ABLIM3: variants seen among roughly 807,000 people sequenced by gnomAD.
ABLIM3 encodes the protein actin-binding LIM protein 3.
In ABLIM3, 61 loss-of-function variants were observed where a neutral mutation model predicts 109.5. The observed-to-expected ratio is 0.56, with a 90% CI of 0.45 to 0.69. The LOEUF (loss-of-function observed/expected upper bound fraction) is 0.69. Ranked by LOEUF, ABLIM3 falls within the 30% of genes least tolerant of loss-of-function variation. The pLI is 0.00. For synonymous variants in ABLIM3, 300 were observed against 324.8 expected (o/e 0.92, Z 0.82); for missense variants, 796 against 889.5 (o/e 0.89, Z 1.34).
intron 8 of ABLIM3, chr5:149,217,369 G>A (rs1402320854): frequency 5.2e-6 from 2 of 383,166 alleles, no homozygotes; most frequent in Non-Finnish European, 4.9e-6. Context: ...ACAGGCCCAA[G>A]GGGTCAGAGA....
rs767615595 is a variant in ABLIM3 at position 149,142,071 on chromosome 5, A to G, written c.-25A>G. 6.2e-7 allele frequency: 1 copy of G among 1,614,082 alleles called. No individual in the cohort carries two copies. On this transcript the variant is annotated 5_prime_UTR_variant, in exon 2 of 24. An upstream open reading frame in the 5' UTR loses its in-frame stop. Coordinates refer to ENST00000309868, the MANE Select transcript of ABLIM3 (RefSeq NM_014945.5). ...GCAGCCGGGGCCTCCGTATTGAATGAAAGACCCAGTGCAAAGACATCACCA... is the reference window on the plus strand; with the variant it reads ...GCAGCCGGGGCCTCCGTATTGAATGGAAGACCCAGTGCAAAGACATCACCA...
chr5:149,249,684 G>T lies in ABLIM3; in HGVS notation c.1700-131G>T, dbSNP rs1753742077. ...AAAACTGACCAGTTCAGGAGGGGCT[G>T]CAGGAGGCCCCTTTTCCCAGCCAGC... On this transcript the variant is annotated intron_variant, in intron 18 of 23. Transcript: ENST00000309868. 7.3e-6 allele frequency: 7 copies of T among 961,596 alleles called. No individual in the cohort carries two copies. The South Asian group carries it at 8.8e-5, about 12-fold the overall frequency. The allele number at this position is 961,596 out of a possible 1,614,324, so 59.6% of individuals were successfully genotyped here.
intron 10 of ABLIM3, among the ~76,000 whole-genome samples, chr5:149,235,240 G>GA (rs1432223094): frequency 5.9e-5 from 9 of 152,016 alleles, no homozygotes; most frequent in Non-Finnish European, 8.8e-5. Context: ...TTCAAATTTG[G>GA]AAAAAAATTC....
At chr5:149,216,739 G>C (rs1760126815) in intron 7 of ABLIM3, 1 of 539,078 alleles carries the variant, frequency 1.9e-6, no homozygotes, top group East Asian at 2.9e-5. Context: ...GGTATTCAGG[G>C]AAGTCCCCTG....
In ABLIM3 at chr5:149,198,388, G is replaced by A; in HGVS notation, c.321G>A (p.Val107=). The A allele has an allele frequency of 6.2e-7, 1 of 1,610,252 alleles. No homozygotes were observed. Among genetic ancestry groups the A allele is most frequent in the Non-Finnish European group, 8.5e-7 (1 of 1,178,020 alleles). Residue 107 remains valine (V), a synonymous_variant, in exon 4 of 24, where the codon GTG becomes GTA. Coordinates refer to ENST00000309868, the MANE Select transcript of ABLIM3 (RefSeq NM_014945.5). This position sits in a 1 kb window ranked among gnomAD's most constrained non-coding sequence, Gnocchi z 4.2. ...GCACTTACCACCCCAAGTGCTTCGT[G>A]TGCAGCTTGTGCAGGTGAGTGGGCG... ...LGRTYHPKCF[V]CSLCRKPFPI...
chr5:149,205,684 G>A (rs184486245), intron 5 of ABLIM3, among the ~76,000 whole-genome samples: 2 of 152,284 alleles, frequency 1.3e-5, no homozygotes, highest in East Asian at 3.9e-4. Context: ...GATAAATCCC[G>A]AAACTCTTTA....
chr5:149,171,748 G>A (rs568944646), intron 2 of ABLIM3, among the ~76,000 whole-genome samples: 129 of 152,336 alleles, frequency 8.5e-4, no homozygotes, highest in Non-Finnish European at 1.0e-3. Context: ...GACTGCTTTA[G>A]TGACCACTGA....
chr5:149,147,328 T>C (rs767623137), intron 2 of ABLIM3, among the ~76,000 whole-genome samples: 4 of 152,150 alleles, frequency 2.6e-5, no homozygotes, highest in Non-Finnish European at 4.4e-5. Context: ...ATAATCATAT[T>C]TTTTTGTTTT....
chr5:149,220,349 C>T (rs1760518164), intron 8 of ABLIM3: 1 of 152,164 alleles, frequency 6.6e-6, no homozygotes, highest in Non-Finnish European at 1.5e-5. Context: ...ATTAAACCTA[C>T]AGTGGAAATG....
intron 8 of ABLIM3, among the ~76,000 whole-genome samples, chr5:149,226,563 C>T (rs949979226): frequency 4.6e-5 from 7 of 152,132 alleles, no homozygotes; most frequent in Non-Finnish European, 1.0e-4. Flanking sequence ...ACTCCAATGC[C>T]CACGTCAAGG....
chr5:149,148,741 A>G lies in ABLIM3; in HGVS notation c.13+6633A>G, dbSNP rs557532022. On this transcript the variant is annotated intron_variant, in intron 2 of 23. Transcript: ENST00000309868. The stretch of plus-strand genomic sequence containing the variant: ...CTTGCTGACCAGCCCCATCTTGTCT[A>G]CAGTGCACAGTTCTCAGTGTCCTTG... Among the ~76,000 whole-genome samples the G allele has an allele frequency of 3.9e-5, 6 of 152,314 alleles. No homozygotes were observed. The South Asian group carries it at 1.2e-3, about 32-fold the overall frequency.
At chr5:149,251,088 C>A (rs915352005) in intron 20 of ABLIM3, among the ~76,000 whole-genome samples, 4 of 152,092 alleles carry the variant, frequency 2.6e-5, no homozygotes, top group Non-Finnish European at 5.9e-5. Flanking sequence ...GTTGTCAGGG[C>A]AAATCTCCTA....
intron 12 of ABLIM3, among the ~76,000 whole-genome samples, 166 bp from the exon 13 acceptor site, chr5:149,239,593 T>A (rs1217525786): frequency 6.6e-6 from 1 of 151,724 alleles, no homozygotes; most frequent in Non-Finnish European, 1.5e-5. Context: ...TTCTCTGCCA[T>A]CTTCCTCGGG....
chr5:149,224,993 A>C (rs1435899267), intron 8 of ABLIM3, among the ~76,000 whole-genome samples: 1 of 152,164 alleles, frequency 6.6e-6, no homozygotes, highest in Non-Finnish European at 1.5e-5. Context: ...GATTATAATG[A>C]TCACACTGTT....
chr5:149,164,525 G>A (rs1366606813), intron 2 of ABLIM3, among the ~76,000 whole-genome samples: 1 of 152,188 alleles, frequency 6.6e-6, no homozygotes, highest in Non-Finnish European at 1.5e-5. Flanking sequence ...CTAGGAACTT[G>A]CTGGAAATGC....
chr5:149,193,987 A>G (rs750551335), intron 3 of ABLIM3, among the ~76,000 whole-genome samples: 1 of 152,218 alleles, frequency 6.6e-6, no homozygotes, highest in Non-Finnish European at 1.5e-5. Context: ...AGAAGACAAT[A>G]TAGGAGATAC....
chr5:149,176,517 T>G lies in ABLIM3; in HGVS notation c.14-6935T>G, dbSNP rs1755942749. Among the ~76,000 whole-genome samples the G allele has an allele frequency of 1.3e-5, 2 of 152,050 alleles. 1 individual carries two copies. Among genetic ancestry groups the G allele is most frequent in the South Asian group, 4.1e-4 (2 of 4,824 alleles). The stretch of plus-strand genomic sequence containing the variant: ...GGGTTTGAAAGTCAGACTGCTTGGG[T>G]TCAGATTCTGCCTCTGCCGTTTACT... On this transcript the variant is annotated intron_variant, in intron 2 of 23. Transcript: ENST00000309868.
chr5:149,146,290 T>C (rs923274492), intron 2 of ABLIM3, among the ~76,000 whole-genome samples: 5 of 152,238 alleles, frequency 3.3e-5, no homozygotes, highest in African/African-American at 1.2e-4. Context: ...TGATAGTATC[T>C]TTTGCAGTGC....
intron 4 of ABLIM3, 44 bp from the exon 5 acceptor site, chr5:149,200,272 C>T (rs1378315460): frequency 6.4e-7 from 1 of 1,565,490 alleles, no homozygotes; most frequent in African/African-American, 1.4e-5. Context: ...TACAGAATCC[C>T]TCAGAAGAGG....
Sources: gnomAD v4.1 joint callset for allele counts (sites outside exome capture counted in the v4.1 genomes callset) on GRCh38, gnomAD v4.1.1 for gene constraint, Gnocchi (gnomAD v3.1) non-coding constraint, MANE v1.5 for transcripts, NCBI Gene and HGNC (gene_info 2026-07-23, HGNC 2026-07-21) for gene names.